The following MTF2 variants were observed in gnomAD, a reference collection of about 807,000 sequenced individuals.
MTF2 encodes metal response element binding transcription factor 2.
MTF2 carries 11 observed loss-of-function variants against 79.5 expected under a neutral mutation model. That is an observed-to-expected ratio of 0.14 (90% confidence interval 0.09 to 0.23). MTF2 has a LOEUF of 0.23. Among genes scored for constraint, MTF2 ranks in the 10% least tolerant of loss-of-function variants. The probability of loss-of-function intolerance (pLI) is 1.00; values close to 1 mark genes in which losing one functional copy is unlikely to be tolerated. For missense variants in MTF2, 486 were observed against 711.2 expected, an observed-to-expected ratio of 0.68 and a Z score of 3.60; for synonymous variants, 208 against 232.8, an observed-to-expected ratio of 0.89 and a Z score of 0.97.
chr1:93,091,404 A>C (rs1655070576), intron 1 of MTF2, among the ~76,000 whole-genome samples: 1 of 152,090 alleles, frequency 6.6e-6, no homozygotes, highest in Admixed American at 6.6e-5. Context: ...CATGTTGCCC[A>C]GACTAGTTTT....
intron 8 of MTF2, 106 bp from the exon 9 acceptor site, chr1:93,120,443 T>C: frequency 9.3e-7 from 1 of 1,071,020 alleles, no homozygotes; most frequent in Non-Finnish European, 1.3e-6. Context: ...ACTATCCACC[T>C]AAATATTTCT....
chr1:93,121,764 G>A, intron 9 of MTF2: 1 of 873,416 alleles, frequency 1.1e-6, no homozygotes, highest in Non-Finnish European at 1.4e-6. Context: ...GATGAAGTCT[G>A]AGAGAAAGTG....
chr1:93,121,701 T>C (rs1209213382), intron 9 of MTF2: 3 of 953,580 alleles, frequency 3.1e-6, no homozygotes, highest in African/African-American at 1.8e-5. Flanking sequence ...ATGTTAGATA[T>C]TGGATTATCA....
chr1:93,091,286 A>G (rs1655066454), intron 1 of MTF2, among the ~76,000 whole-genome samples: 1 of 152,130 alleles, frequency 6.6e-6, no homozygotes, highest in African/African-American at 2.4e-5. Context: ...TCTCTGGGTT[A>G]TCCTTGTATT....
At chr1:93,129,050 T>G (rs925581985) in intron 10 of MTF2, 11 of 342,730 alleles carry the variant, frequency 3.2e-5, no homozygotes, top group Non-Finnish European at 5.8e-5. Context: ...AAAAGAAAAG[T>G]GGACATGTGC....
chr1:93,116,228 TA>T (rs1242898135), intron 6 of MTF2, among the ~76,000 whole-genome samples: 1 of 95,060 alleles, frequency 1.1e-5, no homozygotes, highest in East Asian at 5.1e-4. Context: ...TGGCTAATTT[TA>T]AAAAGTATTT....
chr1:93,094,266 A>G (rs185562553), intron 1 of MTF2, among the ~76,000 whole-genome samples: 29 of 151,980 alleles, frequency 1.9e-4, no homozygotes, highest in East Asian at 7.7e-4. Context: ...CTTATTTTCT[A>G]TCTTGGTTAT....
chr1:93,093,630 T>C (rs968574097), intron 1 of MTF2, among the ~76,000 whole-genome samples: 10 of 152,170 alleles, frequency 6.6e-5, no homozygotes, highest in African/African-American at 2.4e-4. Context: ...AAAGTGTGCT[T>C]GGGGGATAAA....
chr1:93,131,131 G>A (rs1656900747), intron 11 of MTF2, among the ~76,000 whole-genome samples: 1 of 152,130 alleles, frequency 6.6e-6, no homozygotes, highest in South Asian at 2.1e-4. Context: ...AGAAGAGAGG[G>A]TGGTCTGGGA....
At chr1:93,092,887 G>A (rs574540147) in intron 1 of MTF2, among the ~76,000 whole-genome samples, 18 of 152,162 alleles carry the variant, frequency 1.2e-4, no homozygotes, top group African/African-American at 3.6e-4. Context: ...GTTAATGCTT[G>A]TAAAGAATTT....
chr1:93,138,197 T>C lies in MTF2; in HGVS notation c.*1170T>C, dbSNP rs1647477565. ...TTTATAAAGTGTACCAAGATTTAAA[T>C]TGATAACTTTATTTTACTTGTAAAA... On this transcript the variant is annotated 3_prime_UTR_variant, in exon 15 of 15. Transcript: ENST00000370298. 2.0e-5 allele frequency: 3 copies of C among 152,214 alleles called. No homozygotes were observed. Among genetic ancestry groups the C allele is most frequent in the Non-Finnish European group, 1.5e-5 (1 of 68,016 alleles). 9.4% of individuals were successfully genotyped at this position (152,214 alleles called of 1,614,324 possible).
At chr1:93,097,105 T>C (rs1655323716) in intron 1 of MTF2, among the ~76,000 whole-genome samples, 1 of 152,190 alleles carries the variant, frequency 6.6e-6, no homozygotes. Context: ...CCACTGCGCC[T>C]GGCCTAAAAG....
rs561169364 is a variant in MTF2, at chr1:93,090,905, C to T, written c.5+11374C>T. On this transcript the variant is annotated intron_variant, in intron 1 of 14. Coordinates refer to ENST00000370298, the MANE Select transcript of MTF2 (RefSeq NM_007358.4). ...GTCTCGATCTCCTGACCTCATGATCCGCCCACCTCGGCCTCCCAGAGTGCT... is the reference window on the plus strand; with the variant it reads ...GTCTCGATCTCCTGACCTCATGATCTGCCCACCTCGGCCTCCCAGAGTGCT... Among the ~76,000 whole-genome samples the T allele has an allele frequency of 6.0e-5, 9 of 150,798 alleles. No individual in the cohort carries two copies. In the South Asian group the frequency reaches 8.4e-4, roughly 14 times the overall value.
At chr1:93,091,858 A>C (rs1431828631) in intron 1 of MTF2, among the ~76,000 whole-genome samples, 1 of 152,180 alleles carries the variant, frequency 6.6e-6, no homozygotes, top group Non-Finnish European at 1.5e-5. Flanking sequence ...AGCTGTTTTA[A>C]GGAAAGGGAG....
In MTF2 at chr1:93,129,397, A is replaced by G; in HGVS notation, c.1109A>G (p.His370Arg). 4 of 1,577,338 alleles carry G rather than the reference A, an allele frequency of 2.5e-6. No individual in the cohort carries two copies. The highest frequency in any genetic ancestry group is 1.7e-5 in the Admixed American group (1 of 59,078). The change falls in exon 11 of 15, where the codon CAT becomes CGT. Residue 370 changes from histidine to arginine, a missense_variant. By Grantham distance (29) the His-to-Arg change is conservative. Transcript: ENST00000370298. ...GAGAAAGAACCTGAAGGAACATCTC[A>G]TGAATTTAAAATTAAAGGCAGAAAG... Reference protein sequence around the residue: ...KAEKEPEGTSHEFKIKGRKAS... With the variant: ...KAEKEPEGTSREFKIKGRKAS...
chr1:93,097,497 A>G (rs544449491), intron 1 of MTF2, among the ~76,000 whole-genome samples: 4 of 152,284 alleles, frequency 2.6e-5, no homozygotes, highest in Middle Eastern at 3.4e-3. Context: ...GATTATTTTA[A>G]AAAACTTGGA....
intron 1 of MTF2, among the ~76,000 whole-genome samples, chr1:93,090,326 G>A (rs2101024248): frequency 6.6e-6 from 1 of 152,014 alleles, no homozygotes; most frequent in East Asian, 1.9e-4. Flanking sequence ...TGGCCAGGCG[G>A]GTCTTGAATT....
intron 5 of MTF2, 101 bp downstream of exon 5, chr1:93,115,189 A>G (rs1486724884): frequency 1.2e-5 from 11 of 903,056 alleles, no homozygotes; most frequent in African/African-American, 4.9e-5. Context: ...TGAAATGAGC[A>G]ATGAATGCTG....
chr1:93,123,919 T>C (rs1571247475), intron 9 of MTF2, among the ~76,000 whole-genome samples: 1 of 151,944 alleles, frequency 6.6e-6, no homozygotes, highest in African/African-American at 2.4e-5. Flanking sequence ...TAGATAGTTA[T>C]AATTGATGAA....
Sources: gnomAD v4.1 joint callset for allele counts (sites outside exome capture counted in the v4.1 genomes callset) on GRCh38, gnomAD v4.1.1 for gene constraint, MANE v1.5 for transcripts, NCBI Gene and HGNC (gene_info 2026-07-23, HGNC 2026-07-21) for gene names.